The following ACP3 variants were observed in gnomAD, a reference collection of about 807,000 sequenced individuals.
The protein encoded by ACP3 is prostatic acid phosphatase.
In ACP3, 38 loss-of-function variants were observed where a neutral mutation model predicts 45.6. The ratio of observed to expected loss-of-function variants is 0.83; its 90% CI spans 0.64 to 1.09. ACP3 has a LOEUF of 1.09. Ranked by LOEUF, ACP3 falls within the 50% of genes least tolerant of loss-of-function variation. The pLI is 0.00. For synonymous variants in ACP3, 162 were observed against 164.7 expected, an observed-to-expected ratio of 0.98 and a Z score of 0.13; for missense variants, 466 against 463.2, an observed-to-expected ratio of 1.01 and a Z score of -0.05.
In ACP3 at chr3:132,357,403, G is replaced by A; in HGVS notation, c.*525G>A. ...CTCTCAAGGAGAGGCAAAGAAAGGAGATACAGTGGAGACATCTGGAAAGTT... is the reference window on the plus strand; with the variant it reads ...CTCTCAAGGAGAGGCAAAGAAAGGAAATACAGTGGAGACATCTGGAAAGTT... On this transcript the variant is annotated 3_prime_UTR_variant, in exon 10 of 10. Transcript: ENST00000336375. 1.0e-6 allele frequency: 1 copy of A among 985,382 alleles called. No individual in the cohort carries two copies. The highest frequency in any genetic ancestry group is 1.2e-6 in the Non-Finnish European group (1 of 829,924). 61.0% of individuals were successfully genotyped at this position (985,382 alleles called of 1,614,324 possible).
chr3:132,347,406 T>C (rs1250848334), intron 7 of ACP3, among the ~76,000 whole-genome samples: 1 of 152,174 alleles, frequency 6.6e-6, no homozygotes, highest in Admixed American at 6.5e-5. Flanking sequence ...TGTGGACACA[T>C]CAGGGCCATC....
downstream of ACP3, among the ~76,000 whole-genome samples, chr3:132,360,800 A>G (rs1382517814): frequency 6.6e-6 from 1 of 152,226 alleles, no homozygotes; most frequent in Non-Finnish European, 1.5e-5. Context: ...ACAAATACAC[A>G]TGCCCAAGAT....
At chr3:132,342,878 T>C (rs1167959606) in intron 6 of ACP3, among the ~76,000 whole-genome samples, 1 of 149,534 alleles carries the variant, frequency 6.7e-6, no homozygotes, top group Non-Finnish European at 1.5e-5. Context: ...GCAAAATTGC[T>C]TTTCTTCTAT....
chr3:132,363,490 T>C (rs368751910), downstream of ACP3, among the ~76,000 whole-genome samples: 17 of 152,362 alleles, frequency 1.1e-4, no homozygotes, highest in East Asian at 1.9e-3. Context: ...CTGTTAATTC[T>C]ACTGCATCTC....
At chr3:132,363,248 C>T (rs1200935444), downstream of ACP3, among the ~76,000 whole-genome samples, 1 of 152,186 alleles carries the variant, frequency 6.6e-6, no homozygotes, top group East Asian at 1.9e-4. Context: ...CTACATCTAA[C>T]TGTAGAATTC....
Position 132,339,081 on chromosome 3 carries a change from C to T in ACP3, c.555+1527C>T, listed in dbSNP as rs144423800. 5.8e-3 allele frequency among the ~76,000 whole-genome samples: 880 copies of T among 152,094 alleles called. 10 individuals carry two copies. Among genetic ancestry groups the T allele is most frequent in the African/African-American group, 0.02 (838 of 41,454 alleles). On this transcript the variant is annotated intron_variant, in intron 5 of 9. Transcript: ENST00000336375. Reference sequence around the variant, plus strand: ...TGTGTCTTCTTCCCCTCTATGTGTCCGTGTATTCTCATCAGTTAAATGCCA... The same window carrying T: ...TGTGTCTTCTTCCCCTCTATGTGTCTGTGTATTCTCATCAGTTAAATGCCA...
In ACP3 at chr3:132,358,632, T is replaced by C. The variant is rs748951409; in HGVS notation, c.*1754T>C. The C allele has an allele frequency of 2.9e-6, 3 of 1,042,040 alleles. No homozygotes were observed. Among genetic ancestry groups the C allele is most frequent in the Admixed American group, 5.2e-5 (1 of 19,402 alleles). 64.5% of individuals were successfully genotyped at this position (1,042,040 alleles called of 1,614,324 possible). On this transcript the variant is annotated 3_prime_UTR_variant, in exon 10 of 10. Transcript: ENST00000336375. ...TGACTGACAAAGACATCGATTGATA[T>C]GCTTCTTTGTGTTATTTCCCTCCCA...
At chr3:132,317,612 C>T (rs761719983) in intron 1 of ACP3, 36 bp downstream of exon 1, 25 of 1,595,644 alleles carry the variant, frequency 1.6e-5, no homozygotes, top group Non-Finnish European at 2.1e-5. Context: ...TTCCTTAAAA[C>T]TGTGTTCCCA....
intron 9 of ACP3, among the ~76,000 whole-genome samples, chr3:132,355,486 C>CTTATTTTATTTTATT (rs71622089): frequency 6.7e-6 from 1 of 150,270 alleles, no homozygotes; most frequent in Non-Finnish European, 1.5e-5. Flanking sequence ...TTTATTTTAT[C>CTTATTTTATTTTATT]TTATTTTATT....
intron 5 of ACP3, among the ~76,000 whole-genome samples, chr3:132,339,037 A>C (rs1420643010): frequency 1.3e-5 from 2 of 151,798 alleles, no homozygotes; most frequent in Admixed American, 6.6e-5. Context: ...CCCACCCTTC[A>C]CCTTCCAAGA....
chr3:132,362,515 G>A (rs1576431502), downstream of ACP3, among the ~76,000 whole-genome samples: 1 of 152,204 alleles, frequency 6.6e-6, no homozygotes, highest in African/African-American at 2.4e-5. Context: ...CATATGGCTT[G>A]CAGACCTTAT....
At chr3:132,355,501 T>TTTATC in intron 9 of ACP3, among the ~76,000 whole-genome samples, 12 of 150,848 alleles carry the variant, frequency 8.0e-5, no homozygotes, top group South Asian at 2.1e-4. Flanking sequence ...TTTATTTTAT[T>TTTATC]TTATTTTATT....
At chr3:132,343,342 C>T (rs1214429198) in intron 6 of ACP3, among the ~76,000 whole-genome samples, 7 of 152,276 alleles carry the variant, frequency 4.6e-5, no homozygotes, top group Non-Finnish European at 1.0e-4. Flanking sequence ...GCAATTACTT[C>T]CGTAGTTCTA....
intron 1 of ACP3, among the ~76,000 whole-genome samples, chr3:132,327,595 G>T (rs944438234): frequency 2.0e-5 from 3 of 146,614 alleles, no homozygotes; most frequent in Non-Finnish European, 3.0e-5. Context: ...GAGGCAAGTG[G>T]ACCACCTGAG....
chr3:132,345,176 C>T (rs887868855), intron 7 of ACP3, 117 bp downstream of exon 7: 2 of 917,394 alleles, frequency 2.2e-6, no homozygotes, highest in Admixed American at 2.7e-5. Flanking sequence ...ATCACTCTTG[C>T]ACCAGCTTCC....
chr3:132,354,927 C>G (rs1937845099), intron 9 of ACP3, among the ~76,000 whole-genome samples: 1 of 152,086 alleles, frequency 6.6e-6, no homozygotes, highest in East Asian at 1.9e-4. Context: ...AAATTGTTTC[C>G]CAGATATATT....
chr3:132,359,456 C>T (rs896172790), downstream of ACP3, among the ~76,000 whole-genome samples: 11 of 151,948 alleles, frequency 7.2e-5, no homozygotes, highest in African/African-American at 1.9e-4. Flanking sequence ...TGCAGTGAGC[C>T]GAGATCGCGC....
intron 4 of ACP3, among the ~76,000 whole-genome samples, chr3:132,333,737 A>G (rs1260369068): frequency 1.3e-5 from 2 of 152,158 alleles, no homozygotes; most frequent in East Asian, 3.9e-4. Context: ...ATTTTATTCC[A>G]AAAAGAAAAA....
At chr3:132,330,117 G>A (rs915727943) in intron 2 of ACP3, among the ~76,000 whole-genome samples, 7 of 151,600 alleles carry the variant, frequency 4.6e-5, no homozygotes, top group African/African-American at 7.3e-5. Context: ...ATGGGGTTTC[G>A]CCATGTTGCC....
Sources: gnomAD v4.1 joint callset for allele counts (sites outside exome capture counted in the v4.1 genomes callset) on GRCh38, gnomAD v4.1.1 for gene constraint, MANE v1.5 for transcripts, NCBI Gene and HGNC (gene_info 2026-07-23, HGNC 2026-07-21) for gene names.